Variants in LINGO2 observed in about 807,000 individuals in gnomAD.
LINGO2 encodes leucine-rich repeat and immunoglobulin-like domain-containing nogo receptor-interacting protein 2.
Under a neutral mutation model 30.6 loss-of-function variants are expected in LINGO2, and 14 were observed. The observed-to-expected ratio is 0.46, with a 90% CI of 0.30 to 0.72. The LOEUF (loss-of-function observed/expected upper bound fraction) is 0.72, where lower values mean the gene tolerates loss of function less well. Among genes scored for constraint, LINGO2 ranks in the 30% least tolerant of loss-of-function variants. The pLI is 0.07. For missense variants in LINGO2, 729 were observed against 751.7 expected, an observed-to-expected ratio of 0.97 and a Z score of 0.35; for synonymous variants, 317 against 288.5, an observed-to-expected ratio of 1.10 and a Z score of -1.00.
At chr9:28,294,212 A>G (rs1374542913) in intron 4 of LINGO2, among the ~76,000 whole-genome samples, 2 of 152,316 alleles carry the variant, frequency 1.3e-5, no homozygotes, top group African/African-American at 2.4e-5. Context: ...TTATATCCAA[A>G]TAATTATGTC....
chr9:29,103,825 C>T, the LINGO2 span, among the ~76,000 whole-genome samples: 9 of 152,132 alleles, frequency 5.9e-5, no homozygotes, highest in Non-Finnish European at 1.0e-4. Context: ...GACAATACCA[C>T]ATTAACACCA....
intron 5 of LINGO2, among the ~76,000 whole-genome samples, chr9:27,956,197 C>A (rs1206930462): frequency 6.6e-6 from 1 of 152,172 alleles, no homozygotes; most frequent in African/African-American, 2.4e-5. Context: ...CCCGCCTCGG[C>A]TCCCAAAATG....
At chr9:29,005,769 T>C in the LINGO2 span, among the ~76,000 whole-genome samples, 2 of 152,044 alleles carry the variant, frequency 1.3e-5, no homozygotes, top group Non-Finnish European at 2.9e-5. Flanking sequence ...TGAACCACAT[T>C]TGGTTGATAA....
chr9:28,983,502 A>G, the LINGO2 span, among the ~76,000 whole-genome samples: 3 of 151,896 alleles, frequency 2.0e-5, no homozygotes, highest in African/African-American at 7.2e-5. Context: ...ATAAAATGGA[A>G]GGCTACAGGG....
chr9:28,788,099 T>G, the LINGO2 span, among the ~76,000 whole-genome samples: 2 of 152,126 alleles, frequency 1.3e-5, no homozygotes, highest in Non-Finnish European at 2.9e-5. Flanking sequence ...GAAATTAAGA[T>G]AAAGTGAAAA....
intron 4 of LINGO2, among the ~76,000 whole-genome samples, chr9:28,172,840 T>A (rs1233455794): frequency 6.6e-6 from 1 of 152,338 alleles, no homozygotes; most frequent in East Asian, 1.9e-4. Flanking sequence ...GGGAACAGAA[T>A]GCTGGTTGAA....
chr9:28,687,774 G>C, the LINGO2 span, among the ~76,000 whole-genome samples: 13 of 151,946 alleles, frequency 8.6e-5, no homozygotes, highest in African/African-American at 3.1e-4. Context: ...TTTTTATTCA[G>C]CTGTTTTAAT....
At chr9:28,951,821 CAACA>C in the LINGO2 span, among the ~76,000 whole-genome samples, 1 of 152,050 alleles carries the variant, frequency 6.6e-6, no homozygotes, top group Non-Finnish European at 1.5e-5. Context: ...TCCAGCTCTC[CAACA>C]AATATTTAAT....
the LINGO2 span, among the ~76,000 whole-genome samples, chr9:28,848,202 TATATATATACTATATATACGCATA>T: frequency 1.0e-5 from 1 of 97,372 alleles, no homozygotes; most frequent in African/African-American, 5.8e-5. Flanking sequence ...ACATATATAG[TATATATATACTATATATACGCATA>T]GTGTATATAT....
At chr9:29,027,889 T>C in the LINGO2 span, among the ~76,000 whole-genome samples, 1 of 152,170 alleles carries the variant, frequency 6.6e-6, no homozygotes, top group Non-Finnish European at 1.5e-5. Context: ...ACACAAAGCA[T>C]TGTGTATAAA....
chr9:29,140,529 C>G, the LINGO2 span, among the ~76,000 whole-genome samples: 1 of 151,416 alleles, frequency 6.6e-6, no homozygotes, highest in Admixed American at 6.6e-5. Flanking sequence ...TCATAAGGAA[C>G]ATATGAAAAA....
the LINGO2 span, among the ~76,000 whole-genome samples, chr9:29,122,384 A>G: frequency 6.6e-6 from 1 of 152,030 alleles, no homozygotes; most frequent in African/African-American, 2.4e-5. Context: ...TAGTCAAAAA[A>G]AAACATGCAC....
At chr9:28,729,533 T>C in the LINGO2 span, among the ~76,000 whole-genome samples, 4 of 152,096 alleles carry the variant, frequency 2.6e-5, no homozygotes, top group Non-Finnish European at 5.9e-5. Context: ...CCATGAATCA[T>C]TCATCAAATG....
intron 1 of LINGO2, among the ~76,000 whole-genome samples, chr9:28,543,442 G>A (rs906610219): frequency 4.6e-5 from 7 of 151,982 alleles, no homozygotes; most frequent in African/African-American, 1.2e-4. Context: ...CTTCATTTAC[G>A]CCTTGTGAAT....
At chr9:28,646,271 A>C (rs540762141) in intron 1 of LINGO2, among the ~76,000 whole-genome samples, 1 of 152,098 alleles carries the variant, frequency 6.6e-6, no homozygotes, top group South Asian at 2.1e-4. Context: ...CCAGAACTCT[A>C]TATCTCTGTT....
At chr9:28,233,057 TATATTAG>T (rs202192128) in intron 4 of LINGO2, among the ~76,000 whole-genome samples, 1 of 125,410 alleles carries the variant, frequency 8.0e-6, no homozygotes, top group Non-Finnish European at 1.6e-5. Flanking sequence ...TATATATATA[TATATTAG>T]ATATATAATA....
the LINGO2 span, among the ~76,000 whole-genome samples, chr9:28,700,225 C>G: frequency 6.6e-6 from 1 of 152,074 alleles, no homozygotes; most frequent in Admixed American, 6.6e-5. Context: ...CCAGCTGACA[C>G]TAAAGGAAAA....
At chr9:28,700,591 A>G in the LINGO2 span, among the ~76,000 whole-genome samples, 1 of 152,112 alleles carries the variant, frequency 6.6e-6, no homozygotes, top group Non-Finnish European at 1.5e-5. Context: ...AGCTGCTATA[A>G]CATCCATGTT....
At chr9:28,906,011 C>T in the LINGO2 span, among the ~76,000 whole-genome samples, 6 of 152,128 alleles carry the variant, frequency 3.9e-5, no homozygotes, top group Admixed American at 6.6e-5. Context: ...CTTGCAACAG[C>T]ACAGTTGAAC....
Sources: gnomAD v4.1 joint callset for allele counts (sites outside exome capture counted in the v4.1 genomes callset) on GRCh38, gnomAD v4.1.1 for gene constraint, MANE v1.5 for transcripts, NCBI Gene and HGNC (gene_info 2026-07-23, HGNC 2026-07-21) for gene names.